The following INSC variants were observed in gnomAD, a reference collection of about 807,000 sequenced individuals.
INSC encodes the protein protein inscuteable homolog.
In INSC, 67 loss-of-function variants were observed where a neutral mutation model predicts 58.6. The ratio of observed to expected loss-of-function variants is 1.14; its 90% CI spans 0.94 to 1.40. INSC has a LOEUF of 1.40. INSC is among the 40% of genes most tolerant of loss of function. The pLI is 0.00. For synonymous variants in INSC, 262 were observed against 276.1 expected, an observed-to-expected ratio of 0.95 and a Z score of 0.51; for missense variants, 714 against 692.0, an observed-to-expected ratio of 1.03 and a Z score of -0.36.
At chr11:15,221,746 C>T (rs543658092) in intron 8 of INSC, 98 bp downstream of exon 8, 51 of 1,085,808 alleles carry the variant, frequency 4.7e-5, no homozygotes, top group Non-Finnish European at 6.5e-5. Flanking sequence ...CCACTCATTG[C>T]ACCCCAAATA....
chr11:15,208,925 T>C (rs1343639013), intron 7 of INSC, among the ~76,000 whole-genome samples: 1 of 152,120 alleles, frequency 6.6e-6, no homozygotes. Flanking sequence ...AGGGCCAGTG[T>C]GTGGGGCGGA....
chr11:15,219,912 T>C (rs750028705), intron 7 of INSC, among the ~76,000 whole-genome samples: 1 of 152,192 alleles, frequency 6.6e-6, no homozygotes, highest in African/African-American at 2.4e-5. Context: ...GGCCTCTCTC[T>C]GAAGGCCTGT....
chr11:15,222,151 C>A (rs16931249), intron 8 of INSC, among the ~76,000 whole-genome samples: 31 of 152,296 alleles, frequency 2.0e-4, no homozygotes, highest in African/African-American at 7.5e-4. Flanking sequence ...GCATTGACTC[C>A]TCTAGGTTCC....
chr11:15,124,416 G>T (rs897331529), intron 1 of INSC, among the ~76,000 whole-genome samples: 1 of 152,256 alleles, frequency 6.6e-6, no homozygotes, highest in East Asian at 1.9e-4. Context: ...TAGAGATTAG[G>T]CTCCTTATTC....
chr11:15,167,855 C>T (rs1293650479), intron 2 of INSC, among the ~76,000 whole-genome samples: 1 of 152,132 alleles, frequency 6.6e-6, no homozygotes, highest in Non-Finnish European at 1.5e-5. Context: ...ATTTCTAGGA[C>T]TGTTACCGTG....
At chr11:15,116,493 C>A (rs556166048) in intron 1 of INSC, among the ~76,000 whole-genome samples, 6 of 152,142 alleles carry the variant, frequency 3.9e-5, no homozygotes, top group African/African-American at 1.4e-4. Flanking sequence ...TCTCCATGAC[C>A]TCCTCCCCCT....
chr11:15,217,557 G>T (rs1279615205), intron 7 of INSC, among the ~76,000 whole-genome samples: 1 of 152,104 alleles, frequency 6.6e-6, no homozygotes, highest in East Asian at 1.9e-4. Flanking sequence ...CGCTTGAGTG[G>T]CCTCATACTA....
chr11:15,141,395 C>T (rs992005383), intron 1 of INSC, among the ~76,000 whole-genome samples: 1 of 152,184 alleles, frequency 6.6e-6, no homozygotes, highest in Non-Finnish European at 1.5e-5. Flanking sequence ...GGGGCCCGCT[C>T]TACCTGATGC....
chr11:15,118,014 C>T (rs1415679010), intron 1 of INSC, among the ~76,000 whole-genome samples: 2 of 152,216 alleles, frequency 1.3e-5, no homozygotes, highest in East Asian at 3.9e-4. Context: ...TGCCCTAAGC[C>T]TGGCCCTGGC....
At chr11:15,215,746 A>G (rs372712173) in intron 7 of INSC, among the ~76,000 whole-genome samples, 2 of 152,162 alleles carry the variant, frequency 1.3e-5, no homozygotes, top group Non-Finnish European at 2.9e-5. Context: ...TTACCAGAAG[A>G]GACCATCTAA....
At chr11:15,229,918 A>AT (rs1387391473) in intron 9 of INSC, among the ~76,000 whole-genome samples, 7 of 106,134 alleles carry the variant, frequency 6.6e-5, no homozygotes, top group Admixed American at 1.3e-4. Flanking sequence ...ATATATATAT[A>AT]AATTTTTTAT....
intron 5 of INSC, among the ~76,000 whole-genome samples, chr11:15,186,118 A>T (rs541703358): frequency 6.6e-6 from 1 of 152,300 alleles, no homozygotes; most frequent in Non-Finnish European, 1.5e-5. Flanking sequence ...AGATACCTGA[A>T]CTGAGGCCAC....
intron 9 of INSC, chr11:15,235,160 G>C (rs1738783953): frequency 4.4e-6 from 1 of 227,370 alleles, no homozygotes; most frequent in Non-Finnish European, 9.0e-6. Flanking sequence ...GTGAGGGTTA[G>C]TATCCAGGAA....
intron 8 of INSC, among the ~76,000 whole-genome samples, chr11:15,224,022 G>A (rs932909790): frequency 1.3e-5 from 2 of 152,216 alleles, no homozygotes; most frequent in Non-Finnish European, 2.9e-5. Context: ...GGGAACTTTG[G>A]AGTCAGGCAG....
intron 6 of INSC, among the ~76,000 whole-genome samples, chr11:15,198,947 T>G (rs1375051839): frequency 6.6e-6 from 1 of 152,148 alleles, no homozygotes; most frequent in Non-Finnish European, 1.5e-5. Flanking sequence ...AGTAATTACG[T>G]GCACTTAAAA....
At chr11:15,266,251 T>G in the INSC span, among the ~76,000 whole-genome samples, 22 of 150,938 alleles carry the variant, frequency 1.5e-4, no homozygotes, top group African/African-American at 5.1e-4. Flanking sequence ...TATGATGTGA[T>G]CTCAAAAAAA....
the INSC span, among the ~76,000 whole-genome samples, chr11:15,255,200 C>T: frequency 6.6e-6 from 1 of 152,082 alleles, no homozygotes; most frequent in African/African-American, 2.4e-5. Flanking sequence ...TAAGCCCAAT[C>T]ACTATATATG....
At chr11:15,260,383 T>C in the INSC span, among the ~76,000 whole-genome samples, 740 of 152,262 alleles carry the variant, frequency 4.9e-3, 20 homozygotes, top group East Asian at 0.047. Flanking sequence ...TGTAAATGTT[T>C]ATTTAGTGTC....
In INSC at chr11:15,221,460, C is replaced by T. The variant is rs774099206; in HGVS notation, c.820-17C>T. 4 of 1,595,376 alleles carry T rather than the reference C, an allele frequency of 2.5e-6. No homozygotes were observed. The South Asian group carries it at 3.4e-5, about 14-fold the overall frequency. On this transcript the variant is annotated splice_polypyrimidine_tract_variant and intron_variant, in intron 7 of 12. Transcript: ENST00000379556. ...CCACCCAGGATGCACAGGGGAGCTC[C>T]CTCTCTCCATCTGCAGGTGGATGGC...
Sources: gnomAD v4.1 joint callset for allele counts (sites outside exome capture counted in the v4.1 genomes callset) on GRCh38, gnomAD v4.1.1 for gene constraint, MANE v1.5 for transcripts, NCBI Gene and HGNC (gene_info 2026-07-23, HGNC 2026-07-21) for gene names.